Variants in ESF1 observed in about 807,000 individuals in gnomAD.
ESF1 encodes ESF1 nucleolar pre-rRNA processing protein, also known as ESF1 homolog.
Under a neutral mutation model 92.0 loss-of-function variants are expected in ESF1, and 58 were observed. That is an observed-to-expected ratio of 0.63 (90% confidence interval 0.51 to 0.78). ESF1 has a LOEUF of 0.78. ESF1 is among the 30% of genes least tolerant of loss of function. ESF1 has a pLI of 0.00. For missense variants in ESF1, 922 were observed against 989.1 expected (o/e 0.93, Z 0.91); for synonymous variants, 321 against 313.7 (o/e 1.02, Z -0.24).
chr20:13,773,058 G>A (rs1025697913), intron 4 of ESF1, among the ~76,000 whole-genome samples: 1 of 152,154 alleles, frequency 6.6e-6, no homozygotes, highest in African/African-American at 2.4e-5. Flanking sequence ...CATTTATCCA[G>A]TGCTTTCTTT....
chr20:13,743,383 T>C (rs1412021985), intron 9 of ESF1, among the ~76,000 whole-genome samples: 1 of 152,196 alleles, frequency 6.6e-6, no homozygotes. Flanking sequence ...TCTGGGTATA[T>C]ATCCAAAGGA....
At chr20:13,735,828 T>C (rs573201311) in intron 9 of ESF1, among the ~76,000 whole-genome samples, 34 of 152,280 alleles carry the variant, frequency 2.2e-4, no homozygotes, top group African/African-American at 7.7e-4. Context: ...ATCACCATGA[T>C]GCTAAGGAGG....
intron 2 of ESF1, among the ~76,000 whole-genome samples, chr20:13,780,483 CCTG>C (rs1980130852): frequency 6.6e-6 from 1 of 152,166 alleles, no homozygotes; most frequent in African/African-American, 2.4e-5. Flanking sequence ...AGGTCTGCTG[CCTG>C]GTTCCACTAC....
At chr20:13,745,136 T>C (rs567022238) in intron 9 of ESF1, among the ~76,000 whole-genome samples, 7 of 152,272 alleles carry the variant, frequency 4.6e-5, no homozygotes, top group Admixed American at 3.9e-4. Context: ...TAAAGAGCTA[T>C]GGGAACTCAC....
chr20:13,750,429 C>T (rs4813141), intron 9 of ESF1, among the ~76,000 whole-genome samples: 98,038 of 151,960 alleles, frequency 0.65, 32,045 homozygotes, highest in East Asian at 0.89. Flanking sequence ...TGCTTGAACG[C>T]GGGAGGCAGC....
At chr20:13,760,705 G>A (rs1979143894) in intron 8 of ESF1, among the ~76,000 whole-genome samples, 1 of 151,722 alleles carries the variant, frequency 6.6e-6, no homozygotes. Flanking sequence ...CGTCTGGGAG[G>A]GAGGCGGGGG....
intron 11 of ESF1, among the ~76,000 whole-genome samples, chr20:13,727,356 CCTT>C (rs1266860699): frequency 2.0e-5 from 3 of 152,150 alleles, no homozygotes; most frequent in African/African-American, 4.8e-5. Context: ...ATCTTAATCT[CCTT>C]CTCATCAATA....
At chr20:13,716,290 A>AT (rs1385931891) in intron 13 of ESF1, among the ~76,000 whole-genome samples, 2 of 152,122 alleles carry the variant, frequency 1.3e-5, no homozygotes, top group Non-Finnish European at 2.9e-5. Context: ...CATTAGGAAT[A>AT]TGTACTCAAC....
chr20:13,743,516 G>A (rs2050028733), intron 9 of ESF1, among the ~76,000 whole-genome samples: 1 of 149,708 alleles, frequency 6.7e-6, no homozygotes, highest in Admixed American at 6.8e-5. Context: ...AAGAAATAGT[G>A]GTACATATAT....
intron 9 of ESF1, among the ~76,000 whole-genome samples, chr20:13,746,225 A>G (rs577628489): frequency 1.3e-5 from 2 of 152,186 alleles, no homozygotes; most frequent in African/African-American, 2.4e-5. Context: ...TTGGCCTCCC[A>G]AAGTGTTGGG....
chr20:13,782,373 G>T, intron 2 of ESF1, 131 bp downstream of exon 2: 1 of 719,126 alleles, frequency 1.4e-6, no homozygotes, highest in Non-Finnish European at 2.1e-6. Flanking sequence ...TTATAGCTTT[G>T]TATTTCCAGA....
intron 9 of ESF1, among the ~76,000 whole-genome samples, chr20:13,746,680 G>A (rs940962469): frequency 1.3e-5 from 2 of 152,134 alleles, no homozygotes; most frequent in Non-Finnish European, 2.9e-5. Flanking sequence ...AATATAGAAG[G>A]ATATACTGAG....
intron 7 of ESF1, among the ~76,000 whole-genome samples, chr20:13,768,615 G>A (rs944724330): frequency 6.6e-6 from 1 of 150,974 alleles, no homozygotes. Flanking sequence ...AGGGAGAAGG[G>A]GCCAGGCGCA....
chr20:13,716,804 A>ATTTTTTTTGTTTTTTTTTTTT (rs2049830015), intron 13 of ESF1, among the ~76,000 whole-genome samples: 1 of 45,918 alleles, frequency 2.2e-5, no homozygotes, highest in Non-Finnish European at 4.0e-5. Context: ...CTATACCTGG[A>ATTTTTTTTGTTTTTTTTTTTT]TTTTTTTTTT....
In ESF1 at chr20:13,775,232, A is replaced by G. The variant is rs767137569; in HGVS notation, c.1074T>C (p.Asp358=). ...CCAGCAAATCTTTTGCCTTTAATCT[A>G]TCCCAGTCCATGTTACAAACTGCTA... ...RRLAVCNMDW[D]RLKAKDLLAL... is the part of the protein sequence containing the mutation. The change falls in exon 4 of 14, where the codon GAT becomes GAC. Residue 358 remains aspartate, a synonymous_variant. Transcript: ENST00000617257. 3.1e-6 allele frequency: 5 copies of G among 1,610,822 alleles called. No individual in the cohort carries two copies. The highest frequency in any genetic ancestry group is 2.7e-5 in the African/African-American group (2 of 74,802).
intron 4 of ESF1, among the ~76,000 whole-genome samples, chr20:13,774,937 T>A (rs1979856546): frequency 1.3e-5 from 2 of 152,198 alleles, no homozygotes; most frequent in African/African-American, 4.8e-5. Flanking sequence ...TTTCTTTGGA[T>A]TTTTAATGTG....
chr20:13,772,752 T>C (rs1979749080), intron 4 of ESF1, 137 bp from the exon 5 acceptor site: 4 of 593,858 alleles, frequency 6.7e-6, no homozygotes, highest in Non-Finnish European at 1.2e-5. Flanking sequence ...CCAAATCCAC[T>C]ATAGGAAGCT....
At chr20:13,742,780 C>G (rs557452444) in intron 9 of ESF1, among the ~76,000 whole-genome samples, 1 of 152,258 alleles carries the variant, frequency 6.6e-6, no homozygotes, top group African/African-American at 2.4e-5. Context: ...ACCCACACTT[C>G]CTCCCACATT....
At chr20:13,759,096 T>C (rs544856578) in intron 9 of ESF1, among the ~76,000 whole-genome samples, 13 of 152,324 alleles carry the variant, frequency 8.5e-5, no homozygotes, top group African/African-American at 2.2e-4. Flanking sequence ...TATTGTACTA[T>C]ACTGGGTAAC....
Sources: gnomAD v4.1 joint callset for allele counts (sites outside exome capture counted in the v4.1 genomes callset) on GRCh38, gnomAD v4.1.1 for gene constraint, MANE v1.5 for transcripts, NCBI Gene and HGNC (gene_info 2026-07-23, HGNC 2026-07-21) for gene names.